SFSWAP: variants seen among roughly 807,000 people sequenced by gnomAD.
SFSWAP encodes splicing factor SWAP, also known as splicing factor, suppressor of white-apricot homolog.
Under a neutral mutation model 100.7 loss-of-function variants are expected in SFSWAP, and 17 were observed. The observed-to-expected ratio is 0.17, with a 90% CI of 0.12 to 0.25. The LOEUF (loss-of-function observed/expected upper bound fraction) is 0.25. SFSWAP is among the 10% of genes least tolerant of loss of function. The probability of loss-of-function intolerance (pLI) is 1.00; values close to 1 mark genes in which losing one functional copy is unlikely to be tolerated. For missense variants in SFSWAP, 1,005 were observed against 1,262.6 expected (o/e 0.80, Z 3.09); for synonymous variants, 504 against 510.1 (o/e 0.99, Z 0.16).
intron 7 of SFSWAP, among the ~76,000 whole-genome samples, chr12:131,737,276 T>C (rs1202500410): frequency 6.6e-6 from 1 of 152,106 alleles, no homozygotes; most frequent in Non-Finnish European, 1.5e-5. Context: ...GAAGTGTCTG[T>C]AGTGCTTCTG....
In SFSWAP at chr12:131,711,533, G is replaced by C; in HGVS notation, c.218+86G>C. The C allele has an allele frequency of 8.4e-7, 1 of 1,189,336 alleles. No homozygotes were observed. The highest frequency in any genetic ancestry group is 1.2e-6 in the Non-Finnish European group (1 of 823,562). The allele number at this position is 1,189,336 out of a possible 1,614,324, so 73.7% of individuals were successfully genotyped here. A position where few individuals can be genotyped will look rare whatever the true frequency, so the allele number is the denominator to read the frequency against. On this transcript the variant is annotated intron_variant, in intron 1 of 17. Transcript: ENST00000261674. This position sits in a 1 kb window ranked among gnomAD's most constrained non-coding sequence, Gnocchi z 4.9. ...TGTTGACTTGACTGCAAGGACTGCA[G>C]AGAGTTTTCTGGAGCCAGCGGGGAT...
rs1413314836 is a variant in SFSWAP at position 131,711,709 on chromosome 12, C to T, written c.218+262C>T. The T allele has an allele frequency of 4.4e-6, 2 of 456,758 alleles. No individual in the cohort carries two copies. The highest frequency in any genetic ancestry group is 7.8e-5 in the East Asian group (2 of 25,534). The allele number at this position is 456,758 out of a possible 1,614,324, so 28.3% of individuals were successfully genotyped here. On this transcript the variant is annotated intron_variant, in intron 1 of 17. Transcript: ENST00000261674. The surrounding 1 kb of genome is among the most constrained non-coding windows in gnomAD (Gnocchi z 4.9). ...CTGGTCCCGCAGCCCCTCTCGACCC[C>T]TCACCCTGTCGCTGGGCTGCAGTTG...
chr12:131,713,919 C>T, intron 1 of SFSWAP, 152 bp from the exon 2 acceptor site: 1 of 457,698 alleles, frequency 2.2e-6, no homozygotes. Flanking sequence ...AAATATAAAT[C>T]TGGGAAGAGT....
chr12:131,728,010 G>T (rs1879144733), intron 6 of SFSWAP, among the ~76,000 whole-genome samples: 1 of 152,202 alleles, frequency 6.6e-6, no homozygotes. Flanking sequence ...TTTGCATGGG[G>T]TTAGACATTC....
chr12:131,779,264 T>TGGGTGAAGAGGGCGGCGCGGGTGAGG (rs1884299443), intron 14 of SFSWAP, among the ~76,000 whole-genome samples: 1 of 83,236 alleles, frequency 1.2e-5, no homozygotes, highest in Non-Finnish European at 2.6e-5. Flanking sequence ...CGCGGGTGAG[T>TGGGTGAAGAGGGCGGCGCGGGTGAGG]GTGTGTGAAG....
intron 6 of SFSWAP, among the ~76,000 whole-genome samples, chr12:131,728,038 A>G (rs1230323440): frequency 3.3e-5 from 5 of 152,228 alleles, no homozygotes; most frequent in African/African-American, 1.2e-4. Flanking sequence ...AATTGGTGTC[A>G]AACTAGTCTT....
intron 6 of SFSWAP, among the ~76,000 whole-genome samples, chr12:131,727,845 A>G (rs1285721396): frequency 1.3e-5 from 2 of 152,214 alleles, no homozygotes; most frequent in South Asian, 4.1e-4. Flanking sequence ...CATTCGCGAC[A>G]TAAAAAACAG....
chr12:131,734,072 C>T lies in SFSWAP; in HGVS notation c.1081+5644C>T, dbSNP rs1879769943. On this transcript the variant is annotated intron_variant, in intron 7 of 17. Coordinates refer to ENST00000261674, the MANE Select transcript of SFSWAP (RefSeq NM_004592.4). The surrounding 1 kb of genome is among the most constrained non-coding windows in gnomAD (Gnocchi z 4.9). ...GAGTGCCCACCCTGTGGCACTGAGA[C>T]CCAACAGCTCAGGTGACAGTGACAC... 6.6e-6 allele frequency among the ~76,000 whole-genome samples: 1 copy of T among 152,210 alleles called. No individual in the cohort carries two copies.
rs556920158 is a variant in SFSWAP, at chr12:131,766,286, A to C, written c.2120A>C (p.Glu707Ala). 13 of 1,614,178 alleles carry C rather than the reference A, an allele frequency of 8.1e-6. No homozygotes were observed. In the East Asian group the frequency reaches 8.9e-5, roughly 11 times the overall value. Residue 707 changes from glutamate (E) to alanine (A), a missense_variant, in exon 13 of 18, where the codon GAG becomes GCG. Physicochemically the swap from Glu to Ala is moderately radical, Grantham distance 107. Transcript: ENST00000261674. ...PLPEAEAGKIEESPFSVEESS... is the reference protein window; with the variant it reads ...PLPEAEAGKIAESPFSVEESS... ...CCGGAAGCAGAAGCTGGGAAAATTGAGGAGAGTCCTTTCAGTGTCGAGGTA... is the reference window on the plus strand; with the variant it reads ...CCGGAAGCAGAAGCTGGGAAAATTGCGGAGAGTCCTTTCAGTGTCGAGGTA...
chr12:131,744,362 T>C (rs966403163), intron 7 of SFSWAP, among the ~76,000 whole-genome samples: 1 of 152,248 alleles, frequency 6.6e-6, no homozygotes, highest in South Asian at 2.1e-4. Flanking sequence ...GAAATTTCTT[T>C]CACCAGATAC....
rs746106115 is a variant in SFSWAP at position 131,766,248 on chromosome 12, C to A, written c.2082C>A (p.Leu694=). 3.7e-6 allele frequency: 6 copies of A among 1,614,070 alleles called. No homozygotes were observed. Among genetic ancestry groups the A allele is most frequent in the Non-Finnish European group, 5.1e-6 (6 of 1,180,048 alleles). The stretch of plus-strand genomic sequence containing the variant: ...AAGCGGCGTTATTTTTACAGACCCT[C>A]AAAAATCCTCTGCCGGAAGCAGAAG... ...KRKAALFLQT[L]KNPLPEAEAG... The change falls in exon 13 of 18, where the codon CTC becomes CTA. Residue 694 remains leucine (L), a synonymous_variant. Coordinates refer to ENST00000261674, the MANE Select transcript of SFSWAP (RefSeq NM_004592.4).
rs187058875 is a variant in SFSWAP at position 131,734,544 on chromosome 12, G to T, written c.1081+6116G>T. On this transcript the variant is annotated intron_variant, in intron 7 of 17. Coordinates refer to ENST00000261674, the MANE Select transcript of SFSWAP (RefSeq NM_004592.4). The surrounding 1 kb of genome is among the most constrained non-coding windows in gnomAD (Gnocchi z 4.9). ...TTACGGTTTTGAGTTACACAGACAT[G>T]TGTGGGCTTGTGCATGTTTGAATGC... 4.7e-5 allele frequency among the ~76,000 whole-genome samples: 7 copies of T among 148,854 alleles called. No homozygotes were observed. Among genetic ancestry groups the T allele is most frequent in the Non-Finnish European group, 1.0e-4 (7 of 68,006 alleles).
chr12:131,798,500 G>A (rs1359447231), intron 16 of SFSWAP, among the ~76,000 whole-genome samples: 1 of 152,092 alleles, frequency 6.6e-6, no homozygotes, highest in Non-Finnish European at 1.5e-5. Flanking sequence ...TGTGTTTAAG[G>A]TAATTTTATA....
chr12:131,714,333 C>G lies in SFSWAP; in HGVS notation c.388+93C>G. The stretch of plus-strand genomic sequence containing the variant: ...TCCCATTCATTTTTTTATACTCACT[C>G]TTTCTGATATTATCTTGACAGTACC... On this transcript the variant is annotated intron_variant, in intron 2 of 17. Coordinates refer to ENST00000261674, the MANE Select transcript of SFSWAP (RefSeq NM_004592.4). The surrounding 1 kb of genome is among the most constrained non-coding windows in gnomAD (Gnocchi z 6.0). 1 of 1,051,828 alleles carries G rather than the reference C, an allele frequency of 9.5e-7. No individual in the cohort carries two copies. Among genetic ancestry groups the G allele is most frequent in the East Asian group, 2.6e-5 (1 of 38,512 alleles). 65.2% of individuals were successfully genotyped at this position (1,051,828 alleles called of 1,614,324 possible). A position where few individuals can be genotyped will look rare whatever the true frequency, so the allele number is the denominator to read the frequency against.
chr12:131,742,142 A>G (rs1044890305), intron 7 of SFSWAP, among the ~76,000 whole-genome samples: 2 of 152,150 alleles, frequency 1.3e-5, no homozygotes, highest in Non-Finnish European at 2.9e-5. Context: ...GACGTTCTTG[A>G]GTATCACAGC....
chr12:131,722,485 G>A (rs957649135), intron 4 of SFSWAP, among the ~76,000 whole-genome samples: 3 of 152,178 alleles, frequency 2.0e-5, no homozygotes, highest in Non-Finnish European at 2.9e-5. Flanking sequence ...AAATGTGCTT[G>A]CTCGAACACA....
intron 15 of SFSWAP, among the ~76,000 whole-genome samples, chr12:131,795,145 A>C (rs1424955344): frequency 1.3e-5 from 2 of 152,152 alleles, no homozygotes; most frequent in African/African-American, 4.8e-5. Context: ...TGTTGTCCTC[A>C]CTGGGCACGT....
intron 13 of SFSWAP, among the ~76,000 whole-genome samples, chr12:131,777,118 T>C (rs922549697): frequency 6.6e-6 from 1 of 152,238 alleles, no homozygotes; most frequent in Non-Finnish European, 1.5e-5. Context: ...TAGTTAAAAC[T>C]GTTTTTTTTG....
intron 7 of SFSWAP, among the ~76,000 whole-genome samples, chr12:131,737,914 A>G (rs1880187806): frequency 6.6e-6 from 1 of 152,192 alleles, no homozygotes; most frequent in African/African-American, 2.4e-5. Context: ...CTGACAATGA[A>G]CTACTTTTCA....
Sources: gnomAD v4.1 joint callset for allele counts (sites outside exome capture counted in the v4.1 genomes callset) on GRCh38, gnomAD v4.1.1 for gene constraint, Gnocchi (gnomAD v3.1) non-coding constraint, MANE v1.5 for transcripts, NCBI Gene and HGNC (gene_info 2026-07-23, HGNC 2026-07-21) for gene names.